The following ANK3 variants were observed in gnomAD, a reference collection of about 807,000 sequenced individuals.
ANK3 encodes ankyrin 3.
In ANK3, 57 loss-of-function variants were observed where a neutral mutation model predicts 370.9. The ratio of observed to expected loss-of-function variants is 0.15; its 90% confidence interval spans 0.12 to 0.19. ANK3 has a LOEUF of 0.19. Ranked by LOEUF, ANK3 falls within the 10% of genes least tolerant of loss-of-function variation. ANK3 has a pLI of 1.00. For missense variants in ANK3, 4,439 were observed against 5,302.1 expected (o/e 0.84, Z 5.06); for synonymous variants, 1,929 against 1,946.3 (o/e 0.99, Z 0.23).
intron 2 of ANK3, among the ~76,000 whole-genome samples, chr10:60,606,036 G>A (rs2078124489): frequency 6.6e-6 from 1 of 151,894 alleles, no homozygotes; most frequent in East Asian, 1.9e-4. Context: ...AGAAGTTCTT[G>A]GAAAAAAATA....
chr10:60,172,864 C>A (rs779413762), intron 20 of ANK3, 36 bp downstream of exon 20: 2 of 1,420,838 alleles, frequency 1.4e-6, no homozygotes, highest in African/African-American at 2.9e-5. Flanking sequence ...CCATCTATCT[C>A]CTCCCTCTTC....
intron 43 of ANK3, among the ~76,000 whole-genome samples, chr10:60,040,240 T>TA (rs1217656566): frequency 6.6e-6 from 1 of 151,996 alleles, no homozygotes; most frequent in Non-Finnish European, 1.5e-5. Flanking sequence ...ATTTTGATGT[T>TA]ACCATCTAAG....
At chr10:60,536,752 G>A (rs999048026) in intron 2 of ANK3, among the ~76,000 whole-genome samples, 1 of 151,904 alleles carries the variant, frequency 6.6e-6, no homozygotes, top group Non-Finnish European at 1.5e-5. Context: ...TTTCCACAAC[G>A]GAGTCTGACT....
At chr10:60,583,180 A>G (rs1327737819) in intron 2 of ANK3, among the ~76,000 whole-genome samples, 2 of 152,202 alleles carry the variant, frequency 1.3e-5, no homozygotes, top group Admixed American at 6.5e-5. Flanking sequence ...CAACCATAAA[A>G]AAAGGATGAA....
intron 5 of ANK3, among the ~76,000 whole-genome samples, chr10:60,268,211 CT>C (rs2097910666): frequency 6.6e-6 from 1 of 152,136 alleles, no homozygotes; most frequent in Non-Finnish European, 1.5e-5. Flanking sequence ...TGGTTATTTC[CT>C]AACTAGCTTT....
At chr10:60,621,559 G>T (rs1247035218) in intron 1 of ANK3, among the ~76,000 whole-genome samples, 1 of 152,134 alleles carries the variant, frequency 6.6e-6, no homozygotes, top group Non-Finnish European at 1.5e-5. Context: ...TTCATGGCAG[G>T]TTTGAGGAGC....
chr10:60,095,814 C>A (rs948819272), intron 28 of ANK3, among the ~76,000 whole-genome samples: 4 of 152,156 alleles, frequency 2.6e-5, no homozygotes, highest in Non-Finnish European at 5.9e-5. Flanking sequence ...AACATTTACA[C>A]AAAATGAGTT....
At chr10:60,694,035 A>G (rs1281499202) in intron 1 of ANK3, among the ~76,000 whole-genome samples, 1 of 152,108 alleles carries the variant, frequency 6.6e-6, no homozygotes, top group Non-Finnish European at 1.5e-5. Context: ...TAGAATAACC[A>G]ATACAGAGAA....
At chr10:60,385,532 C>T (rs1167803413) in intron 1 of ANK3, among the ~76,000 whole-genome samples, 1 of 151,994 alleles carries the variant, frequency 6.6e-6, no homozygotes, top group Non-Finnish European at 1.5e-5. Context: ...AATGCCTGAT[C>T]CACAGAAGTC....
intron 2 of ANK3, among the ~76,000 whole-genome samples, chr10:60,472,434 A>G (rs2065241402): frequency 6.6e-6 from 1 of 152,186 alleles, no homozygotes; most frequent in African/African-American, 2.4e-5. Flanking sequence ...TCATTAGGAG[A>G]ATTCAGGGGC....
At position 60,109,022 on chromosome 10, in the gene ANK3, C is replaced by G; in HGVS notation, c.2981G>C (p.Gly994Ala). ...FLVSFMVDAR[G>A]GSMRGSRHHG... The stretch of plus-strand genomic sequence containing the variant: ...ATGACGGCTTCCTCTCATGGAGCCC[C>G]CTCTCGCGTCCACCATAAAGCTAAC... The change falls in exon 27 of 44, where the codon GGG (glycine) becomes GCG (alanine). Residue 994 changes from glycine (G) to alanine (A), a missense_variant. Around this residue, in one of 13 missense-constraint regions of ANK3, gnomAD observed 702 missense variants for 941.5 expected, o/e 0.75. Transcript: ENST00000280772. 6.2e-7 allele frequency: 1 copy of G among 1,613,490 alleles called. No individual in the cohort carries two copies. Among genetic ancestry groups the G allele is most frequent in the Non-Finnish European group, 8.5e-7 (1 of 1,179,964 alleles).
intron 6 of ANK3, among the ~76,000 whole-genome samples, chr10:60,262,955 T>C (rs1373584469): frequency 6.6e-6 from 1 of 152,150 alleles, no homozygotes; most frequent in Non-Finnish European, 1.5e-5. Flanking sequence ...ACTACTGCTA[T>C]CTTATCTGGC....
intron 2 of ANK3, among the ~76,000 whole-genome samples, chr10:60,504,941 C>T (rs1224042818): frequency 6.6e-6 from 1 of 151,978 alleles, no homozygotes; most frequent in African/African-American, 2.4e-5. Flanking sequence ...TGAATGTAAA[C>T]TAGGGATTAG....
chr10:60,142,106 A>C (rs1375377600), intron 23 of ANK3, among the ~76,000 whole-genome samples: 3 of 152,180 alleles, frequency 2.0e-5, no homozygotes, highest in Non-Finnish European at 4.4e-5. Context: ...ATTTCTCAGC[A>C]AGGCCTATGA....
intron 2 of ANK3, among the ~76,000 whole-genome samples, chr10:60,491,073 C>T (rs1367896857): frequency 6.6e-6 from 1 of 152,114 alleles, no homozygotes; most frequent in African/African-American, 2.4e-5. Context: ...CAGTATAATG[C>T]ATTTGATGTT....
intron 1 of ANK3, among the ~76,000 whole-genome samples, chr10:60,330,094 T>C (rs550648996): frequency 1.3e-5 from 2 of 152,294 alleles, no homozygotes; most frequent in Admixed American, 1.3e-4. Context: ...TGCAGAAAAC[T>C]GAAACTGAAC....
At chr10:60,690,836 G>A (rs139162189) in intron 1 of ANK3, among the ~76,000 whole-genome samples, 144 of 152,246 alleles carry the variant, frequency 9.5e-4, no homozygotes, top group African/African-American at 3.2e-3. Context: ...GAAGCTTTGG[G>A]GCTACAGCAT....
At chr10:60,102,424 C>A (rs1250234762) in intron 28 of ANK3, among the ~76,000 whole-genome samples, 1 of 152,110 alleles carries the variant, frequency 6.6e-6, no homozygotes, top group Non-Finnish European at 1.5e-5. Flanking sequence ...GGCATCCTCA[C>A]TTTACACATT....
intron 2 of ANK3, among the ~76,000 whole-genome samples, chr10:60,477,157 G>T (rs1013136053): frequency 1.8e-4 from 28 of 151,950 alleles, no homozygotes; most frequent in Non-Finnish European, 7.4e-5. Flanking sequence ...AGTGAAAGGG[G>T]CTTTGATGCT....
Sources: allele counts gnomAD v4.1 joint callset (sites outside exome capture counted in the v4.1 genomes callset), GRCh38; gene constraint gnomAD v4.1.1; regional missense constraint gnomAD v4.1.1; transcripts MANE v1.5; gene names NCBI Gene and HGNC (gene_info 2026-07-23, HGNC 2026-07-21).